SLC4A8: variants seen among roughly 807,000 people sequenced by gnomAD.
The protein encoded by SLC4A8 is solute carrier family 4 member 8, also known as electroneutral sodium bicarbonate exchanger 1.
A neutral mutation model predicts 125.0 loss-of-function variants in SLC4A8; 40 were observed. That is an observed-to-expected ratio of 0.32 (90% CI 0.25 to 0.42). SLC4A8 has a LOEUF of 0.42. Ranked by LOEUF, SLC4A8 falls within the 10% of genes least tolerant of loss-of-function variation. SLC4A8 has a pLI of 1.00. For missense variants in SLC4A8, 863 were observed against 1,355.1 expected, an observed-to-expected ratio of 0.64 and a Z score of 5.70; for synonymous variants, 456 against 476.0, an observed-to-expected ratio of 0.96 and a Z score of 0.55.
intron 19 of SLC4A8, among the ~76,000 whole-genome samples, chr12:51,492,248 C>T (rs1185007742): frequency 6.6e-6 from 1 of 152,138 alleles, no homozygotes; most frequent in Non-Finnish European, 1.5e-5. Context: ...GCCTTGTCTC[C>T]CTTGCCTCCT....
At position 51,471,308 on chromosome 12, in the gene SLC4A8, C is replaced by T. The variant is rs747488806; in HGVS notation, c.1680C>T (p.Leu560=). ...TCAGAGACTATGCTCTTTCATACCT[C>T]TCCCTGCGAGCTTGTATTGGACTGT... ...KFCKDYALSY[L]SLRACIGLWT... The change falls in exon 14 of 25, where the codon CTC becomes CTT. Residue 560 remains leucine (L), a synonymous_variant. Coordinates refer to ENST00000453097, the MANE Select transcript of SLC4A8 (RefSeq NM_001039960.3). 3.1e-6 allele frequency: 5 copies of T among 1,612,992 alleles called. No individual in the cohort carries two copies. The highest frequency in any genetic ancestry group is 4.2e-6 in the Non-Finnish European group (5 of 1,179,948).
intron 2 of SLC4A8, among the ~76,000 whole-genome samples, chr12:51,445,736 C>T (rs926653762): frequency 4.5e-4 from 69 of 152,120 alleles, no homozygotes; most frequent in African/African-American, 1.5e-3. Flanking sequence ...CCCCTCTAAT[C>T]ATCTTAAAGT....
At chr12:51,457,951 A>G (rs1056246042) in intron 6 of SLC4A8, among the ~76,000 whole-genome samples, 12 of 152,136 alleles carry the variant, frequency 7.9e-5, no homozygotes, top group Admixed American at 5.2e-4. Context: ...TGGCTTTACC[A>G]CTCACAAAAT....
chr12:51,453,790 TG>T (rs1232782834), intron 5 of SLC4A8, 91 bp downstream of exon 5: 1 of 1,204,818 alleles, frequency 8.3e-7, no homozygotes. Flanking sequence ...AAGAATACAG[TG>T]GGTTGTGTGT....
chr12:51,401,617 C>T (rs1201768323), intron 1 of SLC4A8, among the ~76,000 whole-genome samples: 2 of 152,118 alleles, frequency 1.3e-5, no homozygotes, highest in African/African-American at 2.4e-5. Context: ...GACGTCCAGC[C>T]GCTTGTGTCT....
intron 11 of SLC4A8, among the ~76,000 whole-genome samples, chr12:51,464,033 T>A (rs1235778562): frequency 6.6e-6 from 1 of 152,194 alleles, no homozygotes; most frequent in East Asian, 1.9e-4. Flanking sequence ...GGTTCTTGTG[T>A]CACTTCCTTT....
chr12:51,410,126 CTAAGCAAGCACATAATTAGA>C (rs1948566828), intron 1 of SLC4A8, among the ~76,000 whole-genome samples: 1 of 152,120 alleles, frequency 6.6e-6, no homozygotes, highest in African/African-American at 2.4e-5. Flanking sequence ...CCTGGAATTT[CTAAGCAAGCACATAATTAGA>C]TAAGCAAGCA....
At chr12:51,437,737 G>T (rs958836436) in intron 1 of SLC4A8, among the ~76,000 whole-genome samples, 1 of 152,154 alleles carries the variant, frequency 6.6e-6, no homozygotes, top group Non-Finnish European at 1.5e-5. Context: ...GAGACGTGGG[G>T]ATTTAATGTG....
intron 17 of SLC4A8, 125 bp from the exon 18 acceptor site, chr12:51,488,574 T>C: frequency 1.7e-6 from 1 of 572,648 alleles, no homozygotes; most frequent in Non-Finnish European, 2.8e-6. Flanking sequence ...TTCATGCCTT[T>C]TTTTTTTTTT....
At chr12:51,414,403 C>T (rs1331537083) in intron 1 of SLC4A8, among the ~76,000 whole-genome samples, 1 of 152,022 alleles carries the variant, frequency 6.6e-6, no homozygotes. Flanking sequence ...ATCTGAATGC[C>T]TTTTATTTGT....
rs561452058 is a variant in SLC4A8, at chr12:51,509,768, T to G, written c.*2330T>G. ...CAGGTACAGGACCACCTGTGCACTT[T>G]AGGGTACTTCTCGAGCTAGACCCTC... On this transcript the variant is annotated 3_prime_UTR_variant, in exon 25 of 25. Coordinates refer to ENST00000453097, the MANE Select transcript of SLC4A8 (RefSeq NM_001039960.3). 2 of 152,246 alleles carry G rather than the reference T, an allele frequency of 1.3e-5. No homozygotes were observed. Among genetic ancestry groups the G allele is most frequent in the Non-Finnish European group, 2.9e-5 (2 of 68,060 alleles). 9.4% of individuals were successfully genotyped at this position (152,246 alleles called of 1,614,324 possible). A position where few individuals can be genotyped will look rare whatever the true frequency, so the allele number is the denominator to read the frequency against.
chr12:51,392,571 C>CAAAAA (rs35992841), intron 1 of SLC4A8, among the ~76,000 whole-genome samples: 11,180 of 118,794 alleles, frequency 0.094, 616 homozygotes, highest in Middle Eastern at 0.12. Flanking sequence ...GATTCCGTAT[C>CAAAAA]AAAAAAAAAA....
intron 1 of SLC4A8, among the ~76,000 whole-genome samples, chr12:51,395,048 A>G (rs1948232031): frequency 6.6e-6 from 1 of 152,190 alleles, no homozygotes; most frequent in Non-Finnish European, 1.5e-5. Context: ...TAAATAAAAA[A>G]AAAACGGGTT....
chr12:51,406,024 C>A (rs1948480030), intron 1 of SLC4A8, among the ~76,000 whole-genome samples: 1 of 152,202 alleles, frequency 6.6e-6, no homozygotes, highest in Non-Finnish European at 1.5e-5. Flanking sequence ...ATATATAAGA[C>A]AAACACACCA....
chr12:51,450,981 G>C lies in SLC4A8; in HGVS notation c.236G>C (p.Gly79Ala). ...QKHRRRGRGK[G>A]ASQGEEGLEA... is the part of the protein sequence containing the mutation. Reference sequence around the variant, plus strand: ...CACCGGAGACGAGGGCGGGGCAAAGGAGCCAGCCAGGGGGAGGAAGGCCTG... The same window carrying C: ...CACCGGAGACGAGGGCGGGGCAAAGCAGCCAGCCAGGGGGAGGAAGGCCTG... The change falls in exon 3 of 25, where the codon GGA (glycine) becomes GCA (alanine). Residue 79 changes from glycine (G) to alanine (A), a missense_variant. This residue lies in a region of SLC4A8 where 104 missense variants were observed against 116.4 expected (regional missense o/e 0.89). Transcript: ENST00000453097. The C allele has an allele frequency of 6.3e-7, 1 of 1,574,856 alleles. No homozygotes were observed. Among genetic ancestry groups the C allele is most frequent in the Non-Finnish European group, 8.6e-7 (1 of 1,158,404 alleles).
intron 16 of SLC4A8, among the ~76,000 whole-genome samples, chr12:51,482,299 A>G (rs1951051254): frequency 6.6e-6 from 1 of 152,158 alleles, no homozygotes; most frequent in Non-Finnish European, 1.5e-5. Flanking sequence ...TAAAATAATA[A>G]TTTGATAAAT....
intron 22 of SLC4A8, among the ~76,000 whole-genome samples, chr12:51,499,127 G>A (rs187686822): frequency 6.6e-6 from 1 of 152,100 alleles, no homozygotes; most frequent in South Asian, 2.1e-4. Context: ...GTTGTAGTGA[G>A]CTGAGATCAT....
chr12:51,429,359 G>A (rs1949110765), intron 1 of SLC4A8, among the ~76,000 whole-genome samples: 1 of 152,200 alleles, frequency 6.6e-6, no homozygotes, highest in Non-Finnish European at 1.5e-5. Flanking sequence ...CTCTGAATAA[G>A]CACTCACTAA....
intron 1 of SLC4A8, among the ~76,000 whole-genome samples, chr12:51,394,634 C>A (rs369761991): frequency 4.2e-4 from 64 of 152,250 alleles, no homozygotes; most frequent in African/African-American, 1.4e-3. Flanking sequence ...CCTGATACAG[C>A]GAGACCCTGT....
Sources: gnomAD v4.1 joint callset for allele counts (sites outside exome capture counted in the v4.1 genomes callset) on GRCh38, gnomAD v4.1.1 for gene constraint, gnomAD v4.1.1 regional missense constraint, MANE v1.5 for transcripts, NCBI Gene and HGNC (gene_info 2026-07-23, HGNC 2026-07-21) for gene names.